LRRC28: variants seen among roughly 807,000 people sequenced by gnomAD.
The protein encoded by LRRC28 is leucine rich repeat containing 28.
Under a neutral mutation model 45.7 loss-of-function variants are expected in LRRC28, and 39 were observed. That is an observed-to-expected ratio of 0.85 (90% CI 0.66 to 1.12). LRRC28 has a LOEUF of 1.12. LRRC28 is among the 50% of genes most tolerant of loss of function. LRRC28 has a pLI of 0.00. For synonymous variants in LRRC28, 206 were observed against 178.8 expected (o/e 1.15, Z -1.22); for missense variants, 435 against 438.5 (o/e 0.99, Z 0.07).
At chr15:99,300,927 T>G (rs1954945494) in intron 5 of LRRC28, among the ~76,000 whole-genome samples, 1 of 152,224 alleles carries the variant, frequency 6.6e-6, no homozygotes, top group South Asian at 2.1e-4. Context: ...TTCTTTTACT[T>G]GATATCTCTA....
chr15:99,283,999 C>A (rs2081886695), intron 3 of LRRC28, among the ~76,000 whole-genome samples: 1 of 152,210 alleles, frequency 6.6e-6, no homozygotes. Context: ...AAGCACTGTT[C>A]TAAGAGCTTT....
At chr15:99,335,308 C>T (rs779872093) in intron 6 of LRRC28, among the ~76,000 whole-genome samples, 2 of 152,146 alleles carry the variant, frequency 1.3e-5, no homozygotes, top group Non-Finnish European at 2.9e-5. Flanking sequence ...AGTAAGTCAC[C>T]AGAACCTCTC....
At chr15:99,359,696 G>A (rs1015481652) in intron 7 of LRRC28, among the ~76,000 whole-genome samples, 1 of 152,190 alleles carries the variant, frequency 6.6e-6, no homozygotes, top group Admixed American at 6.5e-5. Flanking sequence ...TGTATGTGTA[G>A]TAGGAGAGAA....
rs529296675 is a variant in LRRC28 at position 99,325,133 on chromosome 15, A to G, written c.386-8790A>G. 5.9e-5 allele frequency among the ~76,000 whole-genome samples: 9 copies of G among 152,310 alleles called. No homozygotes were observed. The South Asian group carries it at 1.4e-3, about 25-fold the overall frequency. On this transcript the variant is annotated intron_variant, in intron 5 of 9. Transcript: ENST00000301981. The stretch of plus-strand genomic sequence containing the variant: ...AACGGTATTTTGCAGTTTGTAGCAT[A>G]TAAGTTTTGTACTACTTTTGTTCAG...
intron 6 of LRRC28, among the ~76,000 whole-genome samples, chr15:99,349,016 G>A (rs189536471): frequency 4.2e-4 from 64 of 151,896 alleles, no homozygotes; most frequent in South Asian, 6.2e-4. Flanking sequence ...TTTATTCCTA[G>A]ATATTTTTAA....
At chr15:99,302,950 T>C (rs904999972) in intron 5 of LRRC28, among the ~76,000 whole-genome samples, 4 of 152,266 alleles carry the variant, frequency 2.6e-5, no homozygotes, top group African/African-American at 9.6e-5. Context: ...TTAGGAATAA[T>C]GTTGCTATGA....
intron 3 of LRRC28, among the ~76,000 whole-genome samples, chr15:99,278,615 C>T (rs922711328): frequency 3.3e-5 from 5 of 152,244 alleles, no homozygotes; most frequent in African/African-American, 4.8e-5. Context: ...GCTGGCTTTA[C>T]AGTTAAAGTG....
At chr15:99,333,882 C>T in intron 5 of LRRC28, 41 bp from the exon 6 acceptor site, 1 of 1,589,124 alleles carries the variant, frequency 6.3e-7, no homozygotes, top group Non-Finnish European at 8.6e-7. Flanking sequence ...TATTTCAGTT[C>T]ATAAGGATGC....
In LRRC28 at chr15:99,282,045, G is replaced by T. The variant is rs373970401; in HGVS notation, c.210-5212G>T. ...GTCCTCAAGTGATCCTCCTGCTTCA[G>T]CCTCCCAAGTAGCTAGGGTTACAGG... is the stretch of plus-strand genomic sequence containing the variant. On this transcript the variant is annotated intron_variant, in intron 3 of 9. Transcript: ENST00000301981. Among the ~76,000 whole-genome samples, 108 of 152,186 alleles carry T rather than the reference G, an allele frequency of 7.1e-4. 4 individuals are homozygous for T. The South Asian group carries it at 0.022, about 31-fold the overall frequency.
chr15:99,342,314 G>C (rs1364393612), intron 6 of LRRC28, among the ~76,000 whole-genome samples: 1 of 152,166 alleles, frequency 6.6e-6, no homozygotes, highest in East Asian at 1.9e-4. Context: ...TCCCTGGCCT[G>C]CATGGGAGTG....
intron 5 of LRRC28, among the ~76,000 whole-genome samples, chr15:99,288,825 A>G (rs1976590): frequency 0.81 from 122,744 of 151,624 alleles, 49,916 homozygotes; most frequent in African/African-American, 0.9. Flanking sequence ...GACTACAGGC[A>G]CGTGAAGCCA....
Position 99,386,282 on chromosome 15 carries a change from C to A in LRRC28, c.*180C>A, listed in dbSNP as rs1378234000. ...CTTCCCCCAAGTTGGAATATATCCT[C>A]CCCCAAATTAAGGACCCATTTGTCT... On this transcript the variant is annotated 3_prime_UTR_variant, in exon 10 of 10. Transcript: ENST00000301981. 1.8e-6 allele frequency: 1 copy of A among 548,640 alleles called. No individual in the cohort carries two copies. Among genetic ancestry groups the A allele is most frequent in the Non-Finnish European group, 3.2e-6 (1 of 308,290 alleles). 34.0% of individuals were successfully genotyped at this position (548,640 alleles called of 1,614,324 possible).
chr15:99,382,934 TTCATC>T (rs1957873251), intron 9 of LRRC28, among the ~76,000 whole-genome samples: 1 of 152,110 alleles, frequency 6.6e-6, no homozygotes, highest in Non-Finnish European at 1.5e-5. Context: ...TATTTCTCCT[TTCATC>T]TCTCTTATTT....
At chr15:99,282,146 G>T (rs1221171632) in intron 3 of LRRC28, among the ~76,000 whole-genome samples, 1 of 128,726 alleles carries the variant, frequency 7.8e-6, no homozygotes, top group African/African-American at 3.3e-5. Flanking sequence ...TATGAGTGAG[G>T]CCAAGGGATT....
chr15:99,264,449 A>G (rs1724906473), intron 2 of LRRC28, among the ~76,000 whole-genome samples: 1 of 152,190 alleles, frequency 6.6e-6, no homozygotes, highest in South Asian at 2.1e-4. Context: ...AAGCTGTTTG[A>G]AGAGGAACCT....
At chr15:99,359,778 A>G (rs1957147704) in intron 7 of LRRC28, among the ~76,000 whole-genome samples, 2 of 152,234 alleles carry the variant, frequency 1.3e-5, no homozygotes, top group African/African-American at 4.8e-5. Flanking sequence ...GGAATATTAC[A>G]AAAGAAATTC....
rs140040760 is a variant in LRRC28 at position 99,320,263 on chromosome 15, C to T, written c.386-13660C>T. Among the ~76,000 whole-genome samples the T allele has an allele frequency of 5.1e-4, 78 of 152,070 alleles. 2 individuals carry two copies. In the East Asian group the frequency reaches 0.014, roughly 27 times the overall value. On this transcript the variant is annotated intron_variant, in intron 5 of 9. Transcript: ENST00000301981. Reference sequence around the variant, plus strand: ...AAATGCATAATTAATAGATTTTCTCCGTGTGCTTCCTGGTATTGTTCCTAA... The same window carrying T: ...AAATGCATAATTAATAGATTTTCTCTGTGTGCTTCCTGGTATTGTTCCTAA...
chr15:99,296,848 G>A (rs910222878), intron 5 of LRRC28, among the ~76,000 whole-genome samples: 3 of 152,092 alleles, frequency 2.0e-5, no homozygotes, highest in Non-Finnish European at 4.4e-5. Context: ...TGCAAAGAAG[G>A]GATTAGACAG....
chr15:99,259,524 C>G, intron 2 of LRRC28: 1 of 1,186,428 alleles, frequency 8.4e-7, no homozygotes, highest in Non-Finnish European at 1.3e-6. Context: ...GCTATGGTAT[C>G]TCAGTGCCTG....
Sources: gnomAD v4.1 joint callset for allele counts (sites outside exome capture counted in the v4.1 genomes callset) on GRCh38, gnomAD v4.1.1 for gene constraint, MANE v1.5 for transcripts, NCBI Gene and HGNC (gene_info 2026-07-23, HGNC 2026-07-21) for gene names.